The following HAO1 variants were observed in gnomAD, a reference collection of about 807,000 sequenced individuals.
HAO1 encodes hydroxyacid oxidase 1.
In HAO1, 34 loss-of-function variants were observed where a neutral mutation model predicts 39.7. The observed-to-expected ratio is 0.86, with a 90% CI of 0.65 to 1.14. The LOEUF is 1.14. Ranked by LOEUF, HAO1 falls within the 50% of genes most tolerant of loss-of-function variation. The pLI, the probability that HAO1 is intolerant of heterozygous loss-of-function variation, is 0.00. For missense variants in HAO1, 479 were observed against 464.5 expected, an observed-to-expected ratio of 1.03 and a Z score of -0.29; for synonymous variants, 172 against 173.2, an observed-to-expected ratio of 0.99 and a Z score of 0.05.
intron 4 of HAO1, among the ~76,000 whole-genome samples, chr20:7,904,239 T>A (rs986671346): frequency 6.6e-6 from 1 of 152,190 alleles, no homozygotes; most frequent in African/African-American, 2.4e-5. Context: ...CTGCCATTAC[T>A]CTAGGTCATC....
intron 2 of HAO1, among the ~76,000 whole-genome samples, chr20:7,932,074 A>C (rs1274699300): frequency 6.6e-6 from 1 of 152,096 alleles, no homozygotes; most frequent in Non-Finnish European, 1.5e-5. Flanking sequence ...TGTTCTCATG[A>C]TAGTGGGTGA....
chr20:7,925,786 C>T (rs2050356450), intron 2 of HAO1, among the ~76,000 whole-genome samples: 1 of 152,218 alleles, frequency 6.6e-6, no homozygotes, highest in Admixed American at 6.5e-5. Flanking sequence ...CAATCTCATG[C>T]TCTCAAGAAA....
intron 1 of HAO1, among the ~76,000 whole-genome samples, chr20:7,939,266 C>T (rs1184039867): frequency 2.6e-5 from 4 of 152,108 alleles, no homozygotes; most frequent in Non-Finnish European, 4.4e-5. Flanking sequence ...GGGGAGAGGC[C>T]GTATCCTTCA....
chr20:7,889,240 A>G (rs1600105052), intron 5 of HAO1, among the ~76,000 whole-genome samples: 1 of 151,762 alleles, frequency 6.6e-6, no homozygotes, highest in South Asian at 2.1e-4. Context: ...CATCCCCAAG[A>G]ACTTAACAAC....
At chr20:7,913,331 T>C (rs1435977381) in intron 3 of HAO1, among the ~76,000 whole-genome samples, 1 of 152,182 alleles carries the variant, frequency 6.6e-6, no homozygotes, top group South Asian at 2.1e-4. Context: ...AACTAAGATT[T>C]TGATCCCTTT....
chr20:7,903,586 T>C (rs1453154545), intron 4 of HAO1, among the ~76,000 whole-genome samples: 1 of 149,672 alleles, frequency 6.7e-6, no homozygotes. Context: ...GTGGTTGTGG[T>C]TATGGCGCTG....
chr20:7,898,425 G>C (rs931247880), intron 4 of HAO1, among the ~76,000 whole-genome samples: 3 of 152,136 alleles, frequency 2.0e-5, no homozygotes, highest in Admixed American at 6.6e-5. Flanking sequence ...TTGCTTTGCT[G>C]TCATTGGTGT....
At chr20:7,918,254 T>A (rs1296247870) in intron 2 of HAO1, among the ~76,000 whole-genome samples, 1 of 152,194 alleles carries the variant, frequency 6.6e-6, no homozygotes, top group East Asian at 1.9e-4. Flanking sequence ...CTATTTGCTA[T>A]GACAAAGGAA....
chr20:7,904,975 G>A lies in HAO1; in HGVS notation c.721+1179C>T, dbSNP rs924063128. 2.6e-5 allele frequency among the ~76,000 whole-genome samples: 4 copies of A among 152,152 alleles called. No individual in the cohort carries two copies. In the South Asian group the frequency reaches 6.2e-4, roughly 24 times the overall value. On this transcript the variant is annotated intron_variant, in intron 4 of 7. Transcript: ENST00000378789. ...ACCAAACCAATACATATTCATTGAA[G>A]TATAATCCACAAAAATTTTGAACTA...
intron 3 of HAO1, among the ~76,000 whole-genome samples, chr20:7,908,531 G>C (rs1175337574): frequency 6.6e-6 from 1 of 152,030 alleles, no homozygotes; most frequent in African/African-American, 2.4e-5. Context: ...AACACAGCTG[G>C]TTATGTAGCT....
Position 7,909,364 on chromosome 20 carries a change from T to TATATATATATATATATATAC in HAO1, c.546-3036_546-3035insGTATATATATATATATATAT, listed in dbSNP as rs2050264976. Among the ~76,000 whole-genome samples, 6 of 95,200 alleles carry TATATATATATATATATATAC rather than the reference T, an allele frequency of 6.3e-5. No homozygotes were observed. In the South Asian group the frequency reaches 2.4e-3, roughly 39 times the overall value. The allele number at this position is 95,200 out of a possible 152,430, so 62.5% of individuals were successfully genotyped here. A position where few individuals can be genotyped will look rare whatever the true frequency, so the allele number is the denominator to read the frequency against. On this transcript the variant is annotated intron_variant, in intron 3 of 7. Coordinates refer to ENST00000378789, the MANE Select transcript of HAO1 (RefSeq NM_017545.3). ...CTATTTTTATTCGGATTATGACATA[T>TATATATATATATATATATAC]ATATATATATATATGTATATATATA...
chr20:7,909,788 G>A (rs781648664), intron 3 of HAO1, among the ~76,000 whole-genome samples: 1 of 151,656 alleles, frequency 6.6e-6, no homozygotes, highest in African/African-American at 2.4e-5. Flanking sequence ...TTCCGTCTTG[G>A]GAAACAAAAA....
intron 5 of HAO1, among the ~76,000 whole-genome samples, chr20:7,889,730 G>T (rs1215943737): frequency 1.3e-5 from 2 of 152,146 alleles, no homozygotes; most frequent in Non-Finnish European, 2.9e-5. Flanking sequence ...GCCATTAAAA[G>T]TAATGGTGAA....
chr20:7,917,066 T>G (rs1048511783), intron 2 of HAO1, among the ~76,000 whole-genome samples: 2 of 152,072 alleles, frequency 1.3e-5, no homozygotes, highest in Non-Finnish European at 2.9e-5. Flanking sequence ...CTGGCCAGGG[T>G]TGGTGGCTCT....
chr20:7,928,065 C>T (rs1217948788), intron 2 of HAO1, among the ~76,000 whole-genome samples: 2 of 152,178 alleles, frequency 1.3e-5, no homozygotes, highest in Admixed American at 1.3e-4. Flanking sequence ...TTTCACAAGA[C>T]TTTGAAGTAT....
Position 7,883,613 on chromosome 20 carries a change from A to C in HAO1, c.1093T>G (p.Leu365Val), listed in dbSNP as rs1405326169. 1 of 1,613,092 alleles carries C rather than the reference A, an allele frequency of 6.2e-7. No individual in the cohort carries two copies. The highest frequency in any genetic ancestry group is 1.3e-5 in the African/African-American group (1 of 74,904). ...CACTGTCAGATCTTGGAAACGGCCA[A>C]AGGATTTTTCCTCACCAATGTCTTG... ...IDKTLVRKNPLAVSKI is the reference protein window; with the variant it reads ...IDKTLVRKNPVAVSKI The change falls in exon 8 of 8, where the codon TTG (leucine) becomes GTG (valine). Residue 365 changes from leucine to valine, a missense_variant. Leu to Val is a conservative substitution (Grantham distance 32). Coordinates refer to ENST00000378789, the MANE Select transcript of HAO1 (RefSeq NM_017545.3).
rs567629651 is a variant in HAO1, at chr20:7,907,033, G to C, written c.546-704C>G. On this transcript the variant is annotated intron_variant, in intron 3 of 7. Transcript: ENST00000378789. The stretch of plus-strand genomic sequence containing the variant: ...GAACCGCAGTAACAGGTGTTAACAT[G>C]ACTGTCTGTTGCCCCTGTAGACTCC... 7.9e-5 allele frequency among the ~76,000 whole-genome samples: 12 copies of C among 152,296 alleles called. No individual in the cohort carries two copies. In the East Asian group the frequency reaches 2.1e-3, roughly 27 times the overall value.
intron 4 of HAO1, 93 bp downstream of exon 4, chr20:7,906,061 A>G (rs968474389): frequency 1.1e-6 from 1 of 883,626 alleles, no homozygotes; most frequent in African/African-American, 1.7e-5. Context: ...TTCCATGTTA[A>G]TTTTTCCTTG....
At chr20:7,901,520 C>T (rs904825064) in intron 4 of HAO1, among the ~76,000 whole-genome samples, 21 of 152,132 alleles carry the variant, frequency 1.4e-4, no homozygotes, top group Admixed American at 1.1e-3. Context: ...ACTGTCGAGA[C>T]CTGCTGCTCA....
Sources: gnomAD v4.1 joint callset for allele counts (sites outside exome capture counted in the v4.1 genomes callset) on GRCh38, gnomAD v4.1.1 for gene constraint, MANE v1.5 for transcripts, NCBI Gene and HGNC (gene_info 2026-07-23, HGNC 2026-07-21) for gene names.